Variants in CHFR observed in about 807,000 individuals in gnomAD.
CHFR encodes E3 ubiquitin-protein ligase CHFR.
In CHFR, 57 loss-of-function variants were observed where a neutral mutation model predicts 87.6. The observed-to-expected ratio is 0.65, with a 90% CI of 0.53 to 0.81. The LOEUF (loss-of-function observed/expected upper bound fraction) is 0.81. Among genes scored for constraint, CHFR ranks in the 30% least tolerant of loss-of-function variants. The probability of loss-of-function intolerance (pLI) is 0.00; values close to 1 mark genes in which losing one functional copy is unlikely to be tolerated. For synonymous variants in CHFR, 381 were observed against 359.2 expected, an observed-to-expected ratio of 1.06 and a Z score of -0.69; for missense variants, 797 against 865.8, an observed-to-expected ratio of 0.92 and a Z score of 1.00.
chr12:132,853,870 G>C, intron 10 of CHFR: 1 of 417,664 alleles, frequency 2.4e-6, no homozygotes, highest in East Asian at 5.0e-5. Context: ...CGACGCCAGA[G>C]CAGGGCAAGG....
chr12:132,882,175 A>G (rs539548289), intron 2 of CHFR, among the ~76,000 whole-genome samples: 19 of 152,350 alleles, frequency 1.2e-4, no homozygotes, highest in African/African-American at 4.3e-4. Context: ...CTAACAAGCC[A>G]TGGTGCATCC....
In CHFR at chr12:132,844,231, G is replaced by C. The variant is rs952444563; in HGVS notation, c.1736-97C>G. 18 of 746,434 alleles carry C rather than the reference G, an allele frequency of 2.4e-5. No homozygotes were observed. In the East Asian group the frequency reaches 4.6e-4, roughly 19 times the overall value. The allele number at this position is 746,434 out of a possible 1,614,324, so 46.2% of individuals were successfully genotyped here. A position where few individuals can be genotyped will look rare whatever the true frequency, so the allele number is the denominator to read the frequency against. ...GGAGACTAACGCACTGACCATAAAT[G>C]GGGTGAAGACAACGGGCGACACATT... On this transcript the variant is annotated intron_variant, in intron 15 of 17. Transcript: ENST00000450056.
intron 2 of CHFR, 54 bp from the exon 3 acceptor site, chr12:132,877,708 C>A: frequency 1.8e-6 from 2 of 1,130,372 alleles, no homozygotes; most frequent in South Asian, 1.4e-5. Flanking sequence ...ACTGTGAACA[C>A]TACTGCACTT....
intron 15 of CHFR, among the ~76,000 whole-genome samples, chr12:132,846,471 C>T (rs1197116814): frequency 6.6e-6 from 1 of 151,806 alleles, no homozygotes; most frequent in Non-Finnish European, 1.5e-5. Context: ...AGGGTTTTAC[C>T]GTGTTAGCCA....
chr12:132,879,892 A>G (rs78308059), intron 2 of CHFR, among the ~76,000 whole-genome samples: 8,701 of 152,308 alleles, frequency 0.057, 876 homozygotes, highest in East Asian at 0.46. Flanking sequence ...AACGTTCCAC[A>G]CAGAAAGACA....
rs1950695859 is a variant in CHFR, at chr12:132,840,996, T to C, written c.*558A>G. The C allele has an allele frequency of 6.5e-6, 1 of 152,680 alleles. No individual in the cohort carries two copies. Among genetic ancestry groups the C allele is most frequent in the Admixed American group, 6.5e-5 (1 of 15,282 alleles). The allele number at this position is 152,680 out of a possible 1,614,324, so 9.5% of individuals were successfully genotyped here. The stretch of plus-strand genomic sequence containing the variant: ...CCAATTTTAGTCAATTTGTAAATTA[T>C]AAATTATATTATTTGTGCTACAGTT... On this transcript the variant is annotated 3_prime_UTR_variant, in exon 18 of 18. Coordinates refer to ENST00000450056, the MANE Select transcript of CHFR (RefSeq NM_001161346.2).
intron 14 of CHFR, 189 bp downstream of exon 14, chr12:132,847,896 A>T: frequency 7.0e-7 from 1 of 1,433,108 alleles, no homozygotes; most frequent in Non-Finnish European, 9.1e-7. Context: ...GAATACGGAA[A>T]AAACAGACAA....
In CHFR at chr12:132,839,962, G is replaced by T. The variant is rs60471631; in HGVS notation, c.*1592C>A. 0.058 allele frequency: 212 copies of T among 3,646 alleles called. 3 individuals carry two copies. The highest frequency in any genetic ancestry group is 0.09 in the South Asian group (13 of 144). 0.2% of individuals were successfully genotyped at this position (3,646 alleles called of 1,614,324 possible). Reference sequence around the variant, plus strand: ...CCCTGCACTAACTCGGGACCTCCCTGCTCAGCCTCGCCCCTGCACTAACTC... The same window carrying T: ...CCCTGCACTAACTCGGGACCTCCCTTCTCAGCCTCGCCCCTGCACTAACTC... On this transcript the variant is annotated 3_prime_UTR_variant, in exon 18 of 18. Transcript: ENST00000450056.
intron 17 of CHFR, among the ~76,000 whole-genome samples, chr12:132,842,153 T>C (rs1204404372): frequency 6.6e-6 from 1 of 152,062 alleles, no homozygotes; most frequent in African/African-American, 2.4e-5. Context: ...TTAGATAATT[T>C]TTTTAGAGAA....
rs1288380542 is a variant in CHFR, at chr12:132,848,107, C to G, written c.1625G>C (p.Ser542Thr). 2 of 1,614,002 alleles carry G rather than the reference C, an allele frequency of 1.2e-6. No individual in the cohort carries two copies. The highest frequency in any genetic ancestry group is 4.5e-5 in the East Asian group (2 of 44,886). ...KCLDGVLNNN[S>T]YESDILKNYL... The stretch of plus-strand genomic sequence containing the variant: ...TACCTTCAGGATGTCTGACTCGTAG[C>G]TGTTGTTGTTCAGCACGCCGTCCAG... The change falls in exon 14 of 18, where the codon AGC becomes ACC. Residue 542 changes from serine (S) to threonine (T), a missense_variant. Physicochemically the swap from Ser to Thr is moderately conservative, Grantham distance 58. This residue lies in a region of CHFR where 200 missense variants were observed against 264.6 expected (regional missense o/e 0.76). Coordinates refer to ENST00000450056, the MANE Select transcript of CHFR (RefSeq NM_001161346.2).
intron 2 of CHFR, among the ~76,000 whole-genome samples, chr12:132,886,070 C>T (rs999024549): frequency 9.2e-5 from 14 of 152,136 alleles, no homozygotes; most frequent in South Asian, 2.1e-4. Flanking sequence ...CCAGCACTTT[C>T]GGAGGCCGAA....
intron 4 of CHFR, 131 bp downstream of exon 4, chr12:132,872,154 G>T: frequency 1.5e-6 from 1 of 660,286 alleles, no homozygotes; most frequent in Non-Finnish European, 2.7e-6. Flanking sequence ...GAACCCATGT[G>T]AGCAAGAAAT....
intron 6 of CHFR, among the ~76,000 whole-genome samples, chr12:132,868,596 C>T (rs1417864249): frequency 6.6e-6 from 1 of 152,072 alleles, no homozygotes; most frequent in African/African-American, 2.4e-5. Context: ...AGGAGAATGG[C>T]GTGAACCTGG....
chr12:132,857,851 G>A (rs1009686239), intron 8 of CHFR, among the ~76,000 whole-genome samples: 34 of 152,338 alleles, frequency 2.2e-4, no homozygotes, highest in African/African-American at 7.7e-4. Flanking sequence ...GAGTTCCCGC[G>A]GAAAAGCAAG....
chr12:132,876,107 C>T (rs1297646497), intron 3 of CHFR, among the ~76,000 whole-genome samples: 3 of 150,602 alleles, frequency 2.0e-5, no homozygotes, highest in African/African-American at 7.4e-5. Context: ...ACCTGGGAGT[C>T]GGAGGTCGCA....
rs1950694435 is a variant in CHFR at position 132,840,892 on chromosome 12, T to G, written c.*662A>C. 1 of 152,466 alleles carries G rather than the reference T, an allele frequency of 6.6e-6. No homozygotes were observed. The highest frequency in any genetic ancestry group is 1.5e-5 in the Non-Finnish European group (1 of 68,052). 9.4% of individuals were successfully genotyped at this position (152,466 alleles called of 1,614,324 possible). ...CTAACTTGGCGGCCACGTCGAGGGT[T>G]AGCAGTTTTGGACATTGGAAGGTTT... On this transcript the variant is annotated 3_prime_UTR_variant, in exon 18 of 18. Coordinates refer to ENST00000450056, the MANE Select transcript of CHFR (RefSeq NM_001161346.2).
chr12:132,875,662 C>A (rs546447426), intron 3 of CHFR, among the ~76,000 whole-genome samples: 8 of 152,302 alleles, frequency 5.3e-5, no homozygotes, highest in African/African-American at 1.9e-4. Context: ...TTCTGAGTAA[C>A]ACTGACACAG....
intron 11 of CHFR, among the ~76,000 whole-genome samples, chr12:132,852,535 C>T (rs753847308): frequency 3.9e-5 from 6 of 152,176 alleles, no homozygotes; most frequent in African/African-American, 1.4e-4. Flanking sequence ...GTCAACATGC[C>T]GGCCATAAGG....
At position 132,869,809 on chromosome 12, in the gene CHFR, A is replaced by C; in HGVS notation, c.404-11T>G. 6.4e-7 allele frequency: 1 copy of C among 1,551,338 alleles called. No homozygotes were observed. On this transcript the variant is annotated splice_polypyrimidine_tract_variant and intron_variant, in intron 5 of 17. Coordinates refer to ENST00000450056, the MANE Select transcript of CHFR (RefSeq NM_001161346.2). Reference sequence around the variant, plus strand: ...CTGCACCTGAGGTATCTTTGGTCCCATGGAACACATTTTCCTTGTTAGCTT... The same window carrying C: ...CTGCACCTGAGGTATCTTTGGTCCCCTGGAACACATTTTCCTTGTTAGCTT...
Sources: gnomAD v4.1 joint callset for allele counts (sites outside exome capture counted in the v4.1 genomes callset) on GRCh38, gnomAD v4.1.1 for gene constraint, gnomAD v4.1.1 regional missense constraint, MANE v1.5 for transcripts, NCBI Gene and HGNC (gene_info 2026-07-23, HGNC 2026-07-21) for gene names.